Variants in MACROD2 observed in about 807,000 individuals in gnomAD.
The protein encoded by MACROD2 is mono-ADP ribosylhydrolase 2.
Under a neutral mutation model 70.4 loss-of-function variants are expected in MACROD2, and 36 were observed. The ratio of observed to expected loss-of-function variants is 0.51; its 90% CI spans 0.39 to 0.68. MACROD2 has a LOEUF of 0.68. MACROD2 is among the 30% of genes least tolerant of loss of function. The probability of loss-of-function intolerance (pLI) is 0.00; values close to 1 mark genes in which losing one functional copy is unlikely to be tolerated. For synonymous variants in MACROD2, 172 were observed against 178.8 expected (o/e 0.96, Z 0.30); for missense variants, 496 against 538.4 (o/e 0.92, Z 0.78).
At chr20:15,954,658 T>C (rs905856303) in intron 12 of MACROD2, among the ~76,000 whole-genome samples, 2 of 152,158 alleles carry the variant, frequency 1.3e-5, no homozygotes, top group African/African-American at 4.8e-5. Flanking sequence ...ATTTATTGGG[T>C]CTTAACTTTT....
At chr20:15,889,699 A>G (rs1481568609) in intron 10 of MACROD2, among the ~76,000 whole-genome samples, 5 of 152,164 alleles carry the variant, frequency 3.3e-5, no homozygotes, top group Non-Finnish European at 7.4e-5. Flanking sequence ...TTTCATTTCC[A>G]TGACTATGCA....
In MACROD2 at chr20:14,085,541, T is replaced by C. The variant is rs1360858888; in HGVS notation, c.164-80T>C. On this transcript the variant is annotated intron_variant, in intron 2 of 17. Transcript: ENST00000684519. Reference sequence around the variant, plus strand: ...AGAGCATGACACATATTGGGTCTTGTAGTAGTCTTGAGTAAAAAATTATCT... The same window carrying C: ...AGAGCATGACACATATTGGGTCTTGCAGTAGTCTTGAGTAAAAAATTATCT... The C allele has an allele frequency of 1.2e-5, 9 of 745,766 alleles. No homozygotes were observed. The Admixed American group carries it at 2.0e-4, about 17-fold the overall frequency. The allele number at this position is 745,766 out of a possible 1,614,324, so 46.2% of individuals were successfully genotyped here.
intron 8 of MACROD2, among the ~76,000 whole-genome samples, chr20:15,773,302 T>C (rs1055932116): frequency 6.6e-6 from 1 of 151,930 alleles, no homozygotes; most frequent in African/African-American, 2.4e-5. Context: ...GGAGTGCTAT[T>C]TTTTTTAATC....
intron 4 of MACROD2, among the ~76,000 whole-genome samples, chr20:14,587,833 A>T (rs1324336589): frequency 6.6e-6 from 1 of 152,048 alleles, no homozygotes; most frequent in East Asian, 1.9e-4. Context: ...TTAAATTGAG[A>T]TATAGTTTAC....
chr20:14,806,379 G>A (rs2072639317), intron 5 of MACROD2, among the ~76,000 whole-genome samples: 1 of 152,046 alleles, frequency 6.6e-6, no homozygotes, highest in Non-Finnish European at 1.5e-5. Flanking sequence ...CTAGCCAAGG[G>A]AAGTCTTGAG....
intron 4 of MACROD2, among the ~76,000 whole-genome samples, chr20:14,576,065 G>A: frequency 6.6e-6 from 1 of 152,054 alleles, no homozygotes; most frequent in East Asian, 1.9e-4. Context: ...TTTTTCACAG[G>A]CACACGATCT....
At chr20:15,671,295 C>T (rs765578071) in intron 8 of MACROD2, among the ~76,000 whole-genome samples, 1 of 152,106 alleles carries the variant, frequency 6.6e-6, no homozygotes, top group Non-Finnish European at 1.5e-5. Flanking sequence ...ACTTTCATCA[C>T]GTTTGCTAAT....
chr20:14,796,740 A>G (rs745982352), intron 5 of MACROD2, among the ~76,000 whole-genome samples: 10 of 152,056 alleles, frequency 6.6e-5, no homozygotes, highest in Non-Finnish European at 1.0e-4. Context: ...GAGACCTGAT[A>G]TGTATACATA....
chr20:14,985,685 C>CTT (rs57486090), intron 5 of MACROD2, among the ~76,000 whole-genome samples: 5,657 of 115,290 alleles, frequency 0.049, 377 homozygotes, highest in African/African-American at 0.15. Flanking sequence ...TTCTCTTATT[C>CTT]TTTTTTTTTT....
chr20:14,875,706 G>A (rs1007533741), intron 5 of MACROD2, among the ~76,000 whole-genome samples: 1 of 151,906 alleles, frequency 6.6e-6, no homozygotes, highest in African/African-American at 2.4e-5. Context: ...CCCAGTGTTT[G>A]GCTCACACTT....
chr20:15,110,580 A>G (rs73096067), intron 5 of MACROD2, among the ~76,000 whole-genome samples: 11,119 of 152,222 alleles, frequency 0.073, 483 homozygotes, highest in Middle Eastern at 0.14. Flanking sequence ...ATACTGGGCT[A>G]TTTATATTTC....
chr20:14,314,309 G>A (rs574183194), intron 3 of MACROD2, among the ~76,000 whole-genome samples: 1 of 152,272 alleles, frequency 6.6e-6, no homozygotes, highest in South Asian at 2.1e-4. Context: ...GTTAGCATTT[G>A]CTTCTGTAAA....
chr20:14,782,250 A>T lies in MACROD2; in HGVS notation c.418+97291A>T, dbSNP rs561498054. 2.0e-5 allele frequency among the ~76,000 whole-genome samples: 3 copies of T among 152,160 alleles called. No homozygotes were observed. In the South Asian group the frequency reaches 6.2e-4, roughly 32 times the overall value. ...AAGATTTCTTCTTGGTGTTGCTTTC[A>T]CTAAAAAAATAATCATTAGCAGTAA... On this transcript the variant is annotated intron_variant, in intron 5 of 17. Transcript: ENST00000684519.
chr20:16,046,077 C>T (rs934274312), intron 17 of MACROD2, among the ~76,000 whole-genome samples: 1 of 152,056 alleles, frequency 6.6e-6, no homozygotes, highest in Non-Finnish European at 1.5e-5. Context: ...CACCCTTGCC[C>T]CCTGTACCTC....
At chr20:15,575,171 T>C (rs1225685369) in intron 8 of MACROD2, among the ~76,000 whole-genome samples, 1 of 152,132 alleles carries the variant, frequency 6.6e-6, no homozygotes, top group Non-Finnish European at 1.5e-5. Flanking sequence ...GCTGTTTTTG[T>C]TTTGTTATAT....
At chr20:15,450,188 G>T (rs192885032) in intron 7 of MACROD2, among the ~76,000 whole-genome samples, 1 of 151,820 alleles carries the variant, frequency 6.6e-6, no homozygotes, top group Non-Finnish European at 1.5e-5. Flanking sequence ...TTACTTGTCT[G>T]TGTGTGTACA....
At chr20:14,467,628 G>T (rs1425709324) in intron 3 of MACROD2, among the ~76,000 whole-genome samples, 1 of 152,014 alleles carries the variant, frequency 6.6e-6, no homozygotes, top group Non-Finnish European at 1.5e-5. Flanking sequence ...CTCACCCTGG[G>T]AGCTGTAGAC....
chr20:14,789,178 T>C (rs1976014275), intron 5 of MACROD2, among the ~76,000 whole-genome samples: 1 of 151,998 alleles, frequency 6.6e-6, no homozygotes, highest in Non-Finnish European at 1.5e-5. Flanking sequence ...AATTTAGGCC[T>C]ATATCGAAAC....
At chr20:15,192,677 T>C (rs1210371504) in intron 5 of MACROD2, among the ~76,000 whole-genome samples, 1 of 152,104 alleles carries the variant, frequency 6.6e-6, no homozygotes, top group Non-Finnish European at 1.5e-5. Flanking sequence ...TCTCACTCCA[T>C]ACATCCAGAC....
Sources: gnomAD v4.1 joint callset for allele counts (sites outside exome capture counted in the v4.1 genomes callset) on GRCh38, gnomAD v4.1.1 for gene constraint, MANE v1.5 for transcripts, NCBI Gene and HGNC (gene_info 2026-07-23, HGNC 2026-07-21) for gene names.